Variants in RASSF3 observed in about 807,000 individuals in gnomAD.
RASSF3 encodes ras association domain-containing protein 3.
Under a neutral mutation model 19.9 loss-of-function variants are expected in RASSF3, and 19 were observed. The observed-to-expected ratio is 0.96, with a 90% CI of 0.67 to 1.40. The LOEUF (loss-of-function observed/expected upper bound fraction) is 1.40, where lower values mean the gene tolerates loss of function less well. RASSF3 is among the 40% of genes most tolerant of loss of function. RASSF3 has a pLI of 0.00. For missense variants in RASSF3, 306 were observed against 289.8 expected (o/e 1.06, Z -0.41); for synonymous variants, 110 against 104.2 (o/e 1.06, Z -0.34).
At chr12:64,662,948 A>G (rs191017322) in intron 1 of RASSF3, among the ~76,000 whole-genome samples, 118 of 152,296 alleles carry the variant, frequency 7.7e-4, no homozygotes, top group Non-Finnish European at 8.2e-4. Context: ...ATATACATGA[A>G]GAGTGCTTAG....
At chr12:64,658,911 A>G (rs1872249114) in intron 1 of RASSF3, among the ~76,000 whole-genome samples, 1 of 152,226 alleles carries the variant, frequency 6.6e-6, no homozygotes, top group South Asian at 2.1e-4. Flanking sequence ...TCTCTACAGA[A>G]AATAAAAAAT....
At chr12:64,574,026 G>A (rs1869559341) in intron 2 of RASSF3, among the ~76,000 whole-genome samples, 1 of 152,110 alleles carries the variant, frequency 6.6e-6, no homozygotes, top group South Asian at 2.1e-4. Context: ...ATTTGGGCCA[G>A]GCACAGTGGC....
chr12:64,569,220 A>C (rs1869479374), intron 2 of RASSF3, among the ~76,000 whole-genome samples: 2 of 152,210 alleles, frequency 1.3e-5, no homozygotes, highest in Admixed American at 1.3e-4. Context: ...TCCCGGACTG[A>C]TACTCTCTTC....
At chr12:64,530,058 A>T (rs1868673952), upstream of RASSF3, among the ~76,000 whole-genome samples, 1 of 151,908 alleles carries the variant, frequency 6.6e-6, no homozygotes, top group Non-Finnish European at 1.5e-5. Context: ...CAAATCCATC[A>T]CTCCAAAAGT....
At chr12:64,570,713 A>G (rs759215649) in intron 2 of RASSF3, among the ~76,000 whole-genome samples, 12 of 152,118 alleles carry the variant, frequency 7.9e-5, no homozygotes, top group Non-Finnish European at 1.0e-4. Flanking sequence ...CCTATCGTAT[A>G]TGAACAATAC....
At chr12:64,670,143 G>A (rs1872652134) in intron 1 of RASSF3, among the ~76,000 whole-genome samples, 1 of 151,884 alleles carries the variant, frequency 6.6e-6, no homozygotes, top group Admixed American at 6.6e-5. Context: ...TGTCATCTCT[G>A]TATGTGCAGT....
chr12:64,580,026 G>T (rs993199542), intron 2 of RASSF3, among the ~76,000 whole-genome samples: 4 of 151,820 alleles, frequency 2.6e-5, no homozygotes, highest in Non-Finnish European at 4.4e-5. Context: ...CGTTGGCCAG[G>T]CTGGTCTTGA....
At chr12:64,525,705 T>C (rs1868570167) in intron 1 of RASSF3, among the ~76,000 whole-genome samples, 1 of 152,040 alleles carries the variant, frequency 6.6e-6, no homozygotes, top group African/African-American at 2.4e-5. Context: ...AGACCCAGAA[T>C]TTGTTTGCTT....
chr12:64,639,369 T>C (rs78689302), intron 1 of RASSF3, among the ~76,000 whole-genome samples: 1 of 152,084 alleles, frequency 6.6e-6, no homozygotes, highest in African/African-American at 2.4e-5. Context: ...TGTATTTTTT[T>C]TTTTTGTATA....
chr12:64,562,635 T>TTTA (rs1869367260), intron 2 of RASSF3, among the ~76,000 whole-genome samples: 1 of 152,002 alleles, frequency 6.6e-6, no homozygotes. Context: ...TTTATTTTAT[T>TTTA]TTTGAGGCAG....
chr12:64,616,945 G>C (rs1439412084), intron 1 of RASSF3, among the ~76,000 whole-genome samples: 3 of 152,162 alleles, frequency 2.0e-5, no homozygotes, highest in Non-Finnish European at 4.4e-5. Flanking sequence ...AAAGCCCGCT[G>C]TTCTTTCCCT....
intron 4 of RASSF3, among the ~76,000 whole-genome samples, chr12:64,692,352 T>TG (rs1868298437): frequency 6.6e-6 from 1 of 152,228 alleles, no homozygotes; most frequent in African/African-American, 2.4e-5. Flanking sequence ...ATTAGTAGCA[T>TG]GACCTTGGAT....
chr12:64,603,580 C>A (rs1247941190), intron 2 of RASSF3, among the ~76,000 whole-genome samples: 1 of 152,198 alleles, frequency 6.6e-6, no homozygotes, highest in Non-Finnish European at 1.5e-5. Flanking sequence ...GTAACACATC[C>A]TTTCCTTGAT....
intron 2 of RASSF3, among the ~76,000 whole-genome samples, chr12:64,560,619 A>T (rs1869331041): frequency 6.6e-6 from 1 of 152,220 alleles, no homozygotes; most frequent in Non-Finnish European, 1.5e-5. Flanking sequence ...TCAGGGTAGC[A>T]TCCTCTTAGC....
Position 64,550,457 on chromosome 12 carries a change from G to C in RASSF3, c.294+8752G>C, listed in dbSNP as rs145539146. Among the ~76,000 whole-genome samples, 66 of 152,144 alleles carry C rather than the reference G, an allele frequency of 4.3e-4. No individual in the cohort carries two copies. In the East Asian group the frequency reaches 0.013, roughly 29 times the overall value. On this transcript the variant is annotated intron_variant, in intron 2 of 5. Coordinates refer to the RASSF3 transcript ENST00000637125. ...AGGTGGGTGGATCACCTGAGGTCAG[G>C]AGTTCAAGACCAGCCTGGCCAACGT...
intron 1 of RASSF3, among the ~76,000 whole-genome samples, chr12:64,682,426 G>C (rs1873165584): frequency 6.6e-6 from 1 of 152,032 alleles, no homozygotes; most frequent in Non-Finnish European, 1.5e-5. Context: ...AATTAGCCGG[G>C]CGTGGTGGCG....
chr12:64,596,732 T>C (rs892420308), intron 2 of RASSF3, among the ~76,000 whole-genome samples: 1 of 152,064 alleles, frequency 6.6e-6, no homozygotes, highest in Admixed American at 6.6e-5. Flanking sequence ...TCAGTATATA[T>C]ATATATATTT....
chr12:64,602,934 A>T (rs985589536), intron 2 of RASSF3, among the ~76,000 whole-genome samples: 1 of 151,960 alleles, frequency 6.6e-6, no homozygotes, highest in African/African-American at 2.4e-5. Context: ...CCACATCTCT[A>T]CTAAAAATAC....
At chr12:64,670,613 C>T (rs1592459204) in intron 1 of RASSF3, among the ~76,000 whole-genome samples, 1 of 149,876 alleles carries the variant, frequency 6.7e-6, no homozygotes, top group East Asian at 2.0e-4. Context: ...CTTAACAGCA[C>T]TTGCATGGTC....
Sources: allele counts gnomAD v4.1 joint callset (sites outside exome capture counted in the v4.1 genomes callset), GRCh38; gene constraint gnomAD v4.1.1; transcripts MANE v1.5; gene names NCBI Gene and HGNC (gene_info 2026-07-23, HGNC 2026-07-21).